Variants in FAM83E observed in about 807,000 individuals in gnomAD.
FAM83E encodes scaffolding CK1 anchoring protein E.
FAM83E carries 29 observed loss-of-function variants against 34.3 expected under a neutral mutation model. That is an observed-to-expected ratio of 0.85 (90% CI 0.63 to 1.15). The LOEUF (loss-of-function observed/expected upper bound fraction) is 1.15. Ranked by LOEUF, FAM83E falls within the 50% of genes most tolerant of loss-of-function variation. FAM83E has a pLI of 0.00. For synonymous variants in FAM83E, 312 were observed against 311.6 expected, an observed-to-expected ratio of 1.00 and a Z score of -0.01; for missense variants, 697 against 685.0, an observed-to-expected ratio of 1.02 and a Z score of -0.20.
chr19:48,603,150 A>G (rs900237823), intron 6 of FAM83E, among the ~76,000 whole-genome samples: 1 of 151,956 alleles, frequency 6.6e-6, no homozygotes, highest in Admixed American at 6.6e-5. Flanking sequence ...TCCTCCCCCA[A>G]CCAAACTCGG....
intron 5 of FAM83E, 95 bp downstream of exon 5, chr19:48,609,781 G>T: frequency 7.3e-7 from 1 of 1,373,682 alleles, no homozygotes; most frequent in Non-Finnish European, 1.0e-6. Context: ...AGAAAAGAGA[G>T]GCCTGGGCAA....
chr19:48,603,263 A>C (rs1259901858), intron 6 of FAM83E, among the ~76,000 whole-genome samples: 1 of 152,102 alleles, frequency 6.6e-6, no homozygotes, highest in Non-Finnish European at 1.5e-5. Context: ...CAGGATTTGC[A>C]CCCAGGGCTC....
intron 6 of FAM83E, among the ~76,000 whole-genome samples, chr19:48,602,141 CAAAAAAAAAA>C (rs35272146): frequency 4.8e-5 from 2 of 41,560 alleles, no homozygotes; most frequent in South Asian, 1.2e-3. Flanking sequence ...GACCCTATCT[CAAAAAAAAAA>C]AAAAAAAAAA....
rs188899359 is a variant in FAM83E, at chr19:48,603,850, C to T, written c.820G>A (p.Val274Ile). The T allele has an allele frequency of 8.1e-6, 13 of 1,609,336 alleles. No homozygotes were observed. The Admixed American group carries it at 1.7e-4, about 21-fold the overall frequency. Residue 274 changes from valine (V) to isoleucine (I), a missense_variant, in exon 6 of 7, where the codon GTT becomes ATT. Transcript: ENST00000263266. ...GLVTLLTGEI[V>I]DAFSLEFRTL... ...CGGAACTCAAGGCTGAAGGCGTCAACAATTTCACCAGTCAGCAGGGTCACC... is the reference window on the plus strand; with the variant it reads ...CGGAACTCAAGGCTGAAGGCGTCAATAATTTCACCAGTCAGCAGGGTCACC...
chr19:48,614,833 C>A lies in FAM83E; in HGVS notation c.-1381G>T, dbSNP rs1974120827. On this transcript the variant is annotated 5_prime_UTR_variant, in exon 2 of 7. Coordinates refer to ENST00000263266, the MANE Select transcript of FAM83E (RefSeq NM_017708.4). ...CCGGCTTCTGGCCTCACTCATCAGG[C>A]CTCGACCTGGAATCCAGGGAGCCCG... The A allele has an allele frequency of 2.0e-6, 2 of 981,044 alleles. No homozygotes were observed. The highest frequency in any genetic ancestry group is 2.4e-6 in the Non-Finnish European group (2 of 825,972). 60.8% of individuals were successfully genotyped at this position (981,044 alleles called of 1,614,324 possible).
At position 48,602,141 on chromosome 19, in the gene FAM83E, C is replaced by CAAAAAAAAAAAAAAAAA. The variant is rs35272146; in HGVS notation, c.1177-789_1177-773dup. Among the ~76,000 whole-genome samples, 4 of 41,560 alleles carry CAAAAAAAAAAAAAAAAA rather than the reference C, an allele frequency of 9.6e-5. 1 individual carries two copies. Among genetic ancestry groups the CAAAAAAAAAAAAAAAAA allele is most frequent in the Non-Finnish European group, 1.6e-4 (4 of 25,136 alleles). 27.3% of individuals were successfully genotyped at this position (41,560 alleles called of 152,430 possible). On this transcript the variant is annotated intron_variant, in intron 6 of 6. Transcript: ENST00000263266. ...TGGGAGACAGAGCGAGACCCTATCT[C>CAAAAAAAAAAAAAAAAA]AAAAAAAAAAAAAAAAAAAAAAAAT... is the stretch of plus-strand genomic sequence containing the variant.
intron 5 of FAM83E, chr19:48,607,024 G>A (rs1258671778): frequency 6.2e-7 from 1 of 1,611,390 alleles, no homozygotes; most frequent in South Asian, 1.1e-5. Context: ...TCTGCCCCCA[G>A]GCACGACGGG....
chr19:48,603,648 A>AC lies in FAM83E; in HGVS notation c.1021dup (p.Val341GlyfsTer12). 1 of 1,337,550 alleles carries AC rather than the reference A, an allele frequency of 7.5e-7. No homozygotes were observed. Among genetic ancestry groups the AC allele is most frequent in the Non-Finnish European group, 9.6e-7 (1 of 1,042,608 alleles). 82.9% of individuals were successfully genotyped at this position (1,337,550 alleles called of 1,614,324 possible). The stretch of plus-strand genomic sequence containing the variant: ...TGCCGGCCCCGGGGTAGCAGGGGAG[A>AC]CGCGGCAGGCGGCCAGGCGGTGGGC... On this transcript the variant is annotated frameshift_variant, in exon 6 of 7. Coordinates refer to ENST00000263266, the MANE Select transcript of FAM83E (RefSeq NM_017708.4). LOFTEE classifies it high-confidence loss of function.
At chr19:48,607,780 C>T in intron 5 of FAM83E, 1 of 158,842 alleles carries the variant, frequency 6.3e-6, no homozygotes, top group Non-Finnish European at 1.4e-5. Flanking sequence ...AGATAAGGTC[C>T]AGCTATGTTG....
At position 48,613,651 on chromosome 19, in the gene FAM83E, G is replaced by C. The variant is rs1733929948; in HGVS notation, c.-279C>G. ...CACCCAGTGGCACCATGCCTGGCTG[G>C]CCTTCCGTGACCTTCCTGCCAGCCG... On this transcript the variant is annotated 5_prime_UTR_variant, in exon 3 of 7. Coordinates refer to ENST00000263266, the MANE Select transcript of FAM83E (RefSeq NM_017708.4). 7.7e-7 allele frequency: 1 copy of C among 1,303,766 alleles called. No homozygotes were observed. Among genetic ancestry groups the C allele is most frequent in the Non-Finnish European group, 9.8e-7 (1 of 1,024,672 alleles). 80.8% of individuals were successfully genotyped at this position (1,303,766 alleles called of 1,614,324 possible).
At position 48,601,255 on chromosome 19, in the gene FAM83E, G is replaced by A. The variant is rs1468548450; in HGVS notation, c.1291C>T (p.Leu431=). ...VDSRPPWGGA[L]PLPPAHRLRY... is the part of the protein sequence containing the mutation. The stretch of plus-strand genomic sequence containing the variant: ...AGGCGGTGGGCGGGGGGCAGGGGCA[G>A]GGCACCGCCCCACGGAGGTCGGGAG... Residue 431 remains leucine, a synonymous_variant, in exon 7 of 7, where the codon CTG becomes TTG. Transcript: ENST00000263266. 4 of 1,602,342 alleles carry A rather than the reference G, an allele frequency of 2.5e-6. No individual in the cohort carries two copies. The highest frequency in any genetic ancestry group is 8.5e-7 in the Non-Finnish European group (1 of 1,174,080).
At chr19:48,602,697 AAAAAAAAATATATATATATATATATAT>A (rs1568417717) in intron 6 of FAM83E, among the ~76,000 whole-genome samples, 1 of 27,000 alleles carries the variant, frequency 3.7e-5, no homozygotes, top group African/African-American at 1.3e-4. Context: ...AAAAAAAAAA[AAAAAAAAATATATATATATATATATAT>A]ATATATATAT....
intron 6 of FAM83E, among the ~76,000 whole-genome samples, chr19:48,602,274 G>A (rs1973831702): frequency 6.6e-6 from 1 of 151,254 alleles, no homozygotes; most frequent in African/African-American, 2.4e-5. Context: ...GAGACAGAGA[G>A]GGTGAAAGGG....
At chr19:48,606,672 C>T in intron 5 of FAM83E, 1 of 375,384 alleles carries the variant, frequency 2.7e-6, no homozygotes, top group Non-Finnish European at 4.9e-6. Context: ...TTGTGACACC[C>T]ACTCCTCTCA....
At chr19:48,602,764 G>T (rs1973849469) in intron 6 of FAM83E, among the ~76,000 whole-genome samples, 3 of 106,108 alleles carry the variant, frequency 2.8e-5, no homozygotes, top group Admixed American at 2.1e-4. Flanking sequence ...GCTTTCTTTG[G>T]CCTGGGATGA....
Position 48,603,599 on chromosome 19 carries a change from C to T in FAM83E, c.1071G>A (p.Val357=). The part of the protein sequence containing the change: ...GPALSDILRS[V]QRARTPSGPP... Reference sequence around the variant, plus strand: ...GGCCGCTGGGGGTCCGGGCGCGCTGCACACTCCTTAGAATGTCACTGAGTG... The same window carrying T: ...GGCCGCTGGGGGTCCGGGCGCGCTGTACACTCCTTAGAATGTCACTGAGTG... The change falls in exon 6 of 7, where the codon GTG becomes GTA. Residue 357 remains valine (V), a synonymous_variant. Transcript: ENST00000263266. The T allele has an allele frequency of 6.5e-7, 1 of 1,527,840 alleles. No individual in the cohort carries two copies. Among genetic ancestry groups the T allele is most frequent in the Non-Finnish European group, 8.7e-7 (1 of 1,146,270 alleles). 94.6% of individuals were successfully genotyped at this position (1,527,840 alleles called of 1,614,324 possible).
At chr19:48,608,701 C>T (rs982700357) in intron 5 of FAM83E, among the ~76,000 whole-genome samples, 2 of 152,000 alleles carry the variant, frequency 1.3e-5, no homozygotes, top group African/African-American at 4.8e-5. Context: ...CTGCCTCGGC[C>T]TCCCAAAGTG....
In FAM83E at chr19:48,613,976, T is replaced by TCC. The variant is rs1974097360; in HGVS notation, c.-606_-605dup. ...CACTGTCTGGCAAACGCCAATGGCT[T>TCC]CCGACTGACAGTCACAGTATCTGCC... On this transcript the variant is annotated 5_prime_UTR_variant, in exon 3 of 7. The change creates a premature stop within an existing upstream ORF in the 5' untranslated region. Transcript: ENST00000263266. 3.7e-5 allele frequency: 36 copies of TCC among 985,364 alleles called. 1 individual carries two copies. In the South Asian group the frequency reaches 1.6e-3, roughly 44 times the overall value. 61.0% of individuals were successfully genotyped at this position (985,364 alleles called of 1,614,324 possible).
At chr19:48,602,177 G>A (rs905763935) in intron 6 of FAM83E, among the ~76,000 whole-genome samples, 1 of 145,504 alleles carries the variant, frequency 6.9e-6, no homozygotes, top group African/African-American at 2.5e-5. Flanking sequence ...GGGTGGAGGA[G>A]GTAAAAGAAG....
Sources: gnomAD v4.1 joint callset for allele counts (sites outside exome capture counted in the v4.1 genomes callset) on GRCh38, gnomAD v4.1.1 for gene constraint, MANE v1.5 for transcripts, NCBI Gene and HGNC (gene_info 2026-07-23, HGNC 2026-07-21) for gene names.